Variants in DAAM1 observed in about 807,000 individuals in gnomAD.
The protein encoded by DAAM1 is disheveled-associated activator of morphogenesis 1.
In DAAM1, 52 loss-of-function variants were observed where a neutral mutation model predicts 130.0. The ratio of observed to expected loss-of-function variants is 0.40; its 90% CI spans 0.32 to 0.50. DAAM1 has a LOEUF of 0.50. Ranked by LOEUF, DAAM1 falls within the 20% of genes least tolerant of loss-of-function variation. The probability of loss-of-function intolerance (pLI) is 0.61; values close to 1 mark genes in which losing one functional copy is unlikely to be tolerated. For missense variants in DAAM1, 1,134 were observed against 1,303.8 expected (o/e 0.87, Z 2.01); for synonymous variants, 452 against 444.5 (o/e 1.02, Z -0.21).
chr14:59,255,654 G>T (rs1462276389), intron 1 of DAAM1, among the ~76,000 whole-genome samples: 1 of 152,072 alleles, frequency 6.6e-6, no homozygotes, highest in African/African-American at 2.4e-5. Context: ...AAAGTGGAGG[G>T]TCCCCCAACC....
At chr14:59,311,160 A>C (rs1300056529) in intron 3 of DAAM1, among the ~76,000 whole-genome samples, 2 of 152,242 alleles carry the variant, frequency 1.3e-5, no homozygotes, top group Non-Finnish European at 2.9e-5. Flanking sequence ...TTTTTGTCAC[A>C]CAAATTTCTA....
chr14:59,209,893 G>T (rs1248135050), intron 1 of DAAM1, among the ~76,000 whole-genome samples: 1 of 152,016 alleles, frequency 6.6e-6, no homozygotes, highest in Non-Finnish European at 1.5e-5. Context: ...AAGGCAGGAG[G>T]ATCACTTGAG....
intron 1 of DAAM1, among the ~76,000 whole-genome samples, chr14:59,214,651 A>G (rs546040336): frequency 1.3e-5 from 2 of 152,312 alleles, no homozygotes; most frequent in African/African-American, 4.8e-5. Context: ...TGTTTTCCAA[A>G]GGTTCATCCA....
chr14:59,257,876 C>A (rs1881980361), intron 1 of DAAM1, among the ~76,000 whole-genome samples: 1 of 152,148 alleles, frequency 6.6e-6, no homozygotes, highest in South Asian at 2.1e-4. Flanking sequence ...ATCCTCTTCC[C>A]CAACACTTTG....
At chr14:59,287,037 C>T (rs905146862) in intron 2 of DAAM1, among the ~76,000 whole-genome samples, 3 of 152,086 alleles carry the variant, frequency 2.0e-5, no homozygotes, top group African/African-American at 7.2e-5. Context: ...GAATCCTCAG[C>T]AAAGTACTAG....
chr14:59,264,145 G>T, intron 2 of DAAM1: 1 of 184,204 alleles, frequency 5.4e-6, no homozygotes, highest in Non-Finnish European at 1.2e-5. Flanking sequence ...TATTACTTCA[G>T]TACAGCATCA....
intron 2 of DAAM1, among the ~76,000 whole-genome samples, chr14:59,267,761 A>C (rs1882511332): frequency 6.6e-6 from 1 of 152,146 alleles, no homozygotes; most frequent in Non-Finnish European, 1.5e-5. Flanking sequence ...ACATAAATGG[A>C]ATTATACAAT....
chr14:59,327,015 A>C, intron 12 of DAAM1, 24 bp downstream of exon 12: 2 of 1,613,434 alleles, frequency 1.2e-6, no homozygotes, highest in Admixed American at 1.7e-5. Context: ...CCCTGATAAG[A>C]GGCTGTGTTA....
intron 1 of DAAM1, among the ~76,000 whole-genome samples, chr14:59,193,151 C>T (rs1253205935): frequency 1.3e-5 from 2 of 152,368 alleles, no homozygotes; most frequent in Admixed American, 6.5e-5. Flanking sequence ...AGCATTTTCT[C>T]TATTTCTGTA....
chr14:59,230,662 G>T (rs1889077070), intron 1 of DAAM1, among the ~76,000 whole-genome samples: 1 of 149,772 alleles, frequency 6.7e-6, no homozygotes, highest in East Asian at 2.0e-4. Context: ...GAATGAATGA[G>T]ACCTACTATT....
chr14:59,352,608 A>T lies in DAAM1; in HGVS notation c.2243A>T (p.Asp748Val), dbSNP rs1464419152. The change falls in exon 18 of 25, where the codon GAT becomes GTT. Residue 748 changes from aspartate (D) to valine (V), a missense_variant. This residue lies in a region of DAAM1 where 644 missense variants were observed against 695.9 expected (regional missense o/e 0.93). Coordinates refer to ENST00000360909, the MANE Select transcript of DAAM1 (RefSeq NM_001270520.2). ...GAACTGGATCGGATGGCCAAGGCTG[A>T]TAGGTTCCTTTTTGAGATGAGCCGG... ...KHELDRMAKADRFLFEMSRIN... is the reference protein window; with the variant it reads ...KHELDRMAKAVRFLFEMSRIN... The T allele has an allele frequency of 1.9e-6, 3 of 1,613,218 alleles. No homozygotes were observed. The highest frequency in any genetic ancestry group is 2.5e-6 in the Non-Finnish European group (3 of 1,179,628).
intron 24 of DAAM1, among the ~76,000 whole-genome samples, chr14:59,368,190 G>A (rs1356903489): frequency 7.3e-6 from 1 of 136,318 alleles, no homozygotes; most frequent in Non-Finnish European, 1.6e-5. Context: ...CAATGTGTAT[G>A]TATTAGTTGG....
intron 1 of DAAM1, among the ~76,000 whole-genome samples, chr14:59,232,609 T>G (rs1889145949): frequency 6.6e-6 from 1 of 151,772 alleles, no homozygotes. Flanking sequence ...TTCTTTTTTT[T>G]TCTTTCTTTT....
At chr14:59,282,560 G>A (rs1883271594) in intron 2 of DAAM1, among the ~76,000 whole-genome samples, 1 of 152,092 alleles carries the variant, frequency 6.6e-6, no homozygotes, top group South Asian at 2.1e-4. Flanking sequence ...TTTGATGTTT[G>A]TATCAGTGTC....
intron 21 of DAAM1, among the ~76,000 whole-genome samples, chr14:59,360,142 ATGAAGTAT>A (rs1373956261): frequency 1.3e-5 from 2 of 152,242 alleles, no homozygotes; most frequent in Non-Finnish European, 2.9e-5. Flanking sequence ...ATGAAATTAA[ATGAAGTAT>A]TGGTGAGTTT....
chr14:59,286,077 T>C (rs1004138700), intron 2 of DAAM1, among the ~76,000 whole-genome samples: 7 of 152,088 alleles, frequency 4.6e-5, no homozygotes, highest in Non-Finnish European at 7.4e-5. Context: ...TCACACTCTT[T>C]GACCACAGTG....
intron 17 of DAAM1, among the ~76,000 whole-genome samples, chr14:59,351,826 A>G (rs1247399092): frequency 6.6e-6 from 1 of 152,202 alleles, no homozygotes. Flanking sequence ...TACACATCCA[A>G]AACGTGTGTA....
intron 1 of DAAM1, among the ~76,000 whole-genome samples, chr14:59,195,064 A>G (rs948720687): frequency 2.6e-4 from 39 of 152,326 alleles, no homozygotes; most frequent in African/African-American, 9.4e-4. Context: ...CCATTAGGCT[A>G]CACAATCATA....
chr14:59,307,038 A>G (rs1046871180), intron 3 of DAAM1, among the ~76,000 whole-genome samples: 2 of 152,108 alleles, frequency 1.3e-5, no homozygotes, highest in African/African-American at 4.8e-5. Context: ...TTATACCTTT[A>G]TAGATTGTGT....
Sources: gnomAD v4.1 joint callset for allele counts (sites outside exome capture counted in the v4.1 genomes callset) on GRCh38, gnomAD v4.1.1 for gene constraint, gnomAD v4.1.1 regional missense constraint, MANE v1.5 for transcripts, NCBI Gene and HGNC (gene_info 2026-07-23, HGNC 2026-07-21) for gene names.